GABRB1: variants seen among roughly 807,000 people sequenced by gnomAD.
GABRB1 encodes gamma-aminobutyric acid type A receptor subunit beta1.
A neutral mutation model predicts 51.6 loss-of-function variants in GABRB1; 17 were observed. That is an observed-to-expected ratio of 0.33 (90% CI 0.23 to 0.49). The LOEUF is 0.49. GABRB1 is among the 20% of genes least tolerant of loss of function. The pLI is 0.99. For synonymous variants in GABRB1, 247 were observed against 218.9 expected, an observed-to-expected ratio of 1.13 and a Z score of -1.14; for missense variants, 410 against 600.6, an observed-to-expected ratio of 0.68 and a Z score of 3.32.
chr4:47,295,651 C>A (rs1026079252), intron 4 of GABRB1, among the ~76,000 whole-genome samples: 1 of 152,118 alleles, frequency 6.6e-6, no homozygotes, highest in Non-Finnish European at 1.5e-5. Flanking sequence ...CTGAAAGTGA[C>A]GGGGAGAATG....
chr4:47,112,074 A>T (rs1715237597), intron 3 of GABRB1, among the ~76,000 whole-genome samples: 1 of 150,712 alleles, frequency 6.6e-6, no homozygotes, highest in African/African-American at 2.4e-5. Context: ...GGTTCAAGCG[A>T]TTCTCCTGCC....
intron 4 of GABRB1, among the ~76,000 whole-genome samples, chr4:47,249,390 A>ATT (rs1721893569): frequency 6.6e-6 from 1 of 151,850 alleles, no homozygotes; most frequent in African/African-American, 2.4e-5. Flanking sequence ...TATAATTTCA[A>ATT]TTTTCTTAAA....
At chr4:47,311,676 G>A (rs887331500) in intron 4 of GABRB1, among the ~76,000 whole-genome samples, 5 of 152,092 alleles carry the variant, frequency 3.3e-5, no homozygotes, top group Non-Finnish European at 5.9e-5. Flanking sequence ...AACTGTAAGC[G>A]AATAAATTTG....
At chr4:47,312,060 TGTGTGTGTGTGC>T (rs1368841825) in intron 4 of GABRB1, among the ~76,000 whole-genome samples, 1 of 144,334 alleles carries the variant, frequency 6.9e-6, no homozygotes, top group African/African-American at 2.5e-5. Context: ...TGTGTGTGTG[TGTGTGTGTGTGC>T]GCGTGCATAC....
At chr4:47,078,363 C>T (rs1727666662) in intron 3 of GABRB1, among the ~76,000 whole-genome samples, 1 of 152,022 alleles carries the variant, frequency 6.6e-6, no homozygotes, top group Non-Finnish European at 1.5e-5. Flanking sequence ...TGTTCTTAAC[C>T]TCTTCTTTTC....
intron 4 of GABRB1, among the ~76,000 whole-genome samples, chr4:47,230,673 A>G (rs1416788262): frequency 1.3e-5 from 2 of 152,172 alleles, no homozygotes; most frequent in Non-Finnish European, 2.9e-5. Flanking sequence ...TCTTCCCATA[A>G]CCATGTGAGA....
At chr4:47,324,908 G>C (rs919569770) in intron 5 of GABRB1, among the ~76,000 whole-genome samples, 1 of 152,204 alleles carries the variant, frequency 6.6e-6, no homozygotes, top group African/African-American at 2.4e-5. Flanking sequence ...CCGCTGATCC[G>C]TTCTATTGCA....
At chr4:47,336,151 A>C (rs746503344) in intron 5 of GABRB1, among the ~76,000 whole-genome samples, 3 of 152,202 alleles carry the variant, frequency 2.0e-5, no homozygotes, top group African/African-American at 4.8e-5. Flanking sequence ...TCAATTAGAC[A>C]TTTAAGTGGA....
chr4:47,120,725 A>G (rs1358720756), intron 3 of GABRB1, among the ~76,000 whole-genome samples: 1 of 152,152 alleles, frequency 6.6e-6, no homozygotes, highest in African/African-American at 2.4e-5. Context: ...CTTCCTCTCA[A>G]GGCAGCAGGT....
rs192956719 is a variant in GABRB1 at position 47,284,047 on chromosome 4, G to T, written c.462-36080G>T. Among the ~76,000 whole-genome samples, 186 of 149,932 alleles carry T rather than the reference G, an allele frequency of 1.2e-3. 1 individual carries two copies. Among genetic ancestry groups the T allele is most frequent in the South Asian group, 5.6e-3 (26 of 4,670 alleles). On this transcript the variant is annotated intron_variant, in intron 4 of 8. Transcript: ENST00000295454. ...CGGGAGGCGGAGCTTGCAGTGAGCC[G>T]GGTCAGCGCCACTGCACTCCAGCCT... is the stretch of plus-strand genomic sequence containing the variant.
intron 5 of GABRB1, among the ~76,000 whole-genome samples, chr4:47,362,649 G>T (rs567533042): frequency 6.6e-6 from 1 of 152,256 alleles, no homozygotes; most frequent in South Asian, 2.1e-4. Flanking sequence ...TCAGAGGACA[G>T]ACTAGGGTGC....
chr4:47,352,406 A>T (rs1227864710), intron 5 of GABRB1, among the ~76,000 whole-genome samples: 2 of 152,256 alleles, frequency 1.3e-5, no homozygotes, highest in African/African-American at 4.8e-5. Flanking sequence ...ATCCTCCCGA[A>T]CTCATTTTAT....
intron 3 of GABRB1, among the ~76,000 whole-genome samples, chr4:47,146,815 C>A (rs556907848): frequency 6.6e-6 from 1 of 151,962 alleles, no homozygotes; most frequent in Admixed American, 6.6e-5. Flanking sequence ...GAGTTTTCTG[C>A]GTGACTTTTC....
chr4:47,001,134 G>A (rs1360234114), intron 1 of GABRB1, among the ~76,000 whole-genome samples: 1 of 151,918 alleles, frequency 6.6e-6, no homozygotes, highest in East Asian at 1.9e-4. Flanking sequence ...TTTAATTTTA[G>A]TTTTTTATGT....
intron 4 of GABRB1, among the ~76,000 whole-genome samples, chr4:47,310,125 G>A (rs935115569): frequency 6.6e-6 from 1 of 152,088 alleles, no homozygotes; most frequent in African/African-American, 2.4e-5. Context: ...GTCTTGCATT[G>A]CAATCCTGAG....
intron 4 of GABRB1, among the ~76,000 whole-genome samples, chr4:47,234,564 A>C (rs1306619279): frequency 6.6e-6 from 1 of 151,772 alleles, no homozygotes; most frequent in African/African-American, 2.4e-5. Flanking sequence ...CCATCGCTTC[A>C]TTTTTAAAAA....
At chr4:47,327,746 A>G (rs1392418592) in intron 5 of GABRB1, among the ~76,000 whole-genome samples, 2 of 152,256 alleles carry the variant, frequency 1.3e-5, no homozygotes, top group Non-Finnish European at 2.9e-5. Flanking sequence ...TAGTAACAAC[A>G]TGTACACAGA....
chr4:47,243,330 A>C (rs878990076), intron 4 of GABRB1, among the ~76,000 whole-genome samples: 2 of 152,172 alleles, frequency 1.3e-5, no homozygotes, highest in Admixed American at 1.3e-4. Flanking sequence ...TGATGCCTCC[A>C]GCTTTGTTCT....
chr4:47,174,967 C>T (rs1718608905), intron 4 of GABRB1, among the ~76,000 whole-genome samples: 1 of 135,102 alleles, frequency 7.4e-6, no homozygotes, highest in Admixed American at 8.1e-5. Context: ...TTCTTTTCTT[C>T]CTTCCTTTCA....
Sources: gnomAD v4.1 joint callset for allele counts (sites outside exome capture counted in the v4.1 genomes callset) on GRCh38, gnomAD v4.1.1 for gene constraint, MANE v1.5 for transcripts, NCBI Gene and HGNC (gene_info 2026-07-23, HGNC 2026-07-21) for gene names.